Variants in IFT172 observed in about 807,000 individuals in gnomAD.
IFT172 encodes the protein intraflagellar transport protein 172 homolog.
Under a neutral mutation model 248.9 loss-of-function variants are expected in IFT172, and 164 were observed. The observed-to-expected ratio is 0.66, with a 90% confidence interval of 0.58 to 0.75. The LOEUF is 0.75. Among genes scored for constraint, IFT172 ranks in the 30% least tolerant of loss-of-function variants. IFT172 has a pLI of 0.00. For synonymous variants in IFT172, 729 were observed against 791.6 expected, an observed-to-expected ratio of 0.92 and a Z score of 1.33; for missense variants, 1,950 against 2,192.4, an observed-to-expected ratio of 0.89 and a Z score of 2.21.
intron 18 of IFT172, among the ~76,000 whole-genome samples, chr2:27,464,498 T>C (rs913484906): frequency 6.6e-5 from 10 of 152,166 alleles, no homozygotes; most frequent in Non-Finnish European, 4.4e-5. Context: ...ACTGCACTCC[T>C]ATACCAAACC....
At chr2:27,469,831 A>G (rs908311996) in intron 16 of IFT172, among the ~76,000 whole-genome samples, 13 of 151,940 alleles carry the variant, frequency 8.6e-5, no homozygotes, top group African/African-American at 3.1e-4. Flanking sequence ...CTCTGTCTCA[A>G]ATAAAATAAA....
intron 4 of IFT172, 121 bp from the exon 5 acceptor site, chr2:27,484,058 G>T (rs1668575256): frequency 2.4e-6 from 3 of 1,269,188 alleles, no homozygotes; most frequent in African/African-American, 1.5e-5. Flanking sequence ...GACACAGCAG[G>T]GCTCTAAGGA....
chr2:27,474,684 T>A (rs902397643), intron 14 of IFT172, among the ~76,000 whole-genome samples: 5 of 152,164 alleles, frequency 3.3e-5, no homozygotes, highest in African/African-American at 9.7e-5. Flanking sequence ...CCCGAGTAGC[T>A]GGGATTACAG....
chr2:27,461,464 G>A lies in IFT172; in HGVS notation c.2247C>T (p.Asp749=), dbSNP rs1666660597. ...LRRSYYQWLM[D]TQQEERAGEL... The stretch of plus-strand genomic sequence containing the variant: ...CACCTGCTCGCTCCTCTTGCTGTGT[G>A]TCCATCAGCCACTGGTAGTAACTAC... Residue 749 remains aspartate, a synonymous_variant, in exon 22 of 48, where the codon GAC becomes GAT. Coordinates refer to ENST00000260570, the MANE Select transcript of IFT172 (RefSeq NM_015662.3). 1.2e-6 allele frequency: 2 copies of A among 1,614,024 alleles called. No homozygotes were observed. The highest frequency in any genetic ancestry group is 1.3e-5 in the African/African-American group (1 of 74,926).
chr2:27,480,026 C>A lies in IFT172; in HGVS notation c.909G>T (p.Val303=). ...AWKRDGSRLC[V]GTLCGGVEQF... is the part of the protein sequence containing the mutation. Reference sequence around the variant, plus strand: ...CAGAAAGGGATTACTAGTAACACACCACACAGAGCCGTGAGCCATCCCGCT... The same window carrying A: ...CAGAAAGGGATTACTAGTAACACACAACACAGAGCCGTGAGCCATCCCGCT... Residue 303 remains valine (V), a splice_region_variant and synonymous_variant, in exon 9 of 48, where the codon GTG becomes GTT. Coordinates refer to ENST00000260570, the MANE Select transcript of IFT172 (RefSeq NM_015662.3). The A allele has an allele frequency of 6.2e-7, 1 of 1,612,100 alleles. No homozygotes were observed. Among genetic ancestry groups the A allele is most frequent in the Non-Finnish European group, 8.5e-7 (1 of 1,179,226 alleles).
At chr2:27,453,295 G>C in intron 35 of IFT172, 89 bp downstream of exon 35, 3 of 1,499,112 alleles carry the variant, frequency 2.0e-6, no homozygotes, top group Non-Finnish European at 2.8e-6. Context: ...AAAGACACAA[G>C]AGGAAAGAGC....
intron 18 of IFT172, 23 bp from the exon 19 acceptor site, chr2:27,463,204 T>C: frequency 1.9e-6 from 3 of 1,588,166 alleles, no homozygotes; most frequent in Non-Finnish European, 2.6e-6. Flanking sequence ...AGCAATAACA[T>C]TAATAGTAAT....
chr2:27,470,962 T>TC lies in IFT172; in HGVS notation c.1657dup (p.Glu553GlyfsTer4). On this transcript the variant is annotated frameshift_variant, in exon 16 of 48. Coordinates refer to ENST00000260570, the MANE Select transcript of IFT172 (RefSeq NM_015662.3). LOFTEE classifies it high-confidence loss of function. Reference sequence around the variant, plus strand: ...GAACATGGTGACTCTCTCAGGTGCCTCAATGTTGTACCATACACACAGACT... The same window carrying TC: ...GAACATGGTGACTCTCTCAGGTGCCTCCAATGTTGTACCATACACACAGACT... 3.1e-6 allele frequency: 5 copies of TC among 1,610,262 alleles called. No individual in the cohort carries two copies. The highest frequency in any genetic ancestry group is 4.2e-6 in the Non-Finnish European group (5 of 1,179,028).
rs1213929319 is a variant in IFT172, at chr2:27,445,489, C to A, written c.4915-40G>T. On this transcript the variant is annotated intron_variant, in intron 45 of 47. Coordinates refer to ENST00000260570, the MANE Select transcript of IFT172 (RefSeq NM_015662.3). This position sits in a 1 kb window ranked among gnomAD's most constrained non-coding sequence, Gnocchi z 4.4. ...AAGGGAGTGGTAGCTTCACACAGGG[C>A]AGGGCAGGACAAGTTGGGGTGGATG... The A allele has an allele frequency of 6.3e-7, 1 of 1,583,926 alleles. No individual in the cohort carries two copies. The highest frequency in any genetic ancestry group is 1.3e-5 in the African/African-American group (1 of 74,526).
chr2:27,484,460 G>A (rs905011172), intron 3 of IFT172, among the ~76,000 whole-genome samples, 194 bp from the exon 4 acceptor site: 18 of 152,092 alleles, frequency 1.2e-4, no homozygotes, highest in Non-Finnish European at 2.6e-4. Context: ...GTGTGGTGGT[G>A]GGCGCCTGTA....
At chr2:27,483,977 T>C (rs1388336310) in intron 4 of IFT172, 40 bp from the exon 5 acceptor site, 4 of 1,574,058 alleles carry the variant, frequency 2.5e-6, no homozygotes, top group Non-Finnish European at 3.5e-6. Flanking sequence ...ACCCCATCTG[T>C]GTGGGCCAGC....
intron 4 of IFT172, 56 bp from the exon 5 acceptor site, chr2:27,483,993 T>C (rs1572833719): frequency 1.3e-6 from 2 of 1,501,362 alleles, no homozygotes; most frequent in East Asian, 2.3e-5. Context: ...CCAGCACTTT[T>C]ATAACAACTT....
chr2:27,465,507 A>G lies in IFT172; in HGVS notation c.1841T>C (p.Phe614Ser), dbSNP rs1667018384. ...TGGGGTCATTTCCAGAGTCTCTAAGAAGGCTGTTGCCCTGGAAAGGGAAGG... is the reference window on the plus strand; with the variant it reads ...TGGGGTCATTTCCAGAGTCTCTAAGGAGGCTGTTGCCCTGGAAAGGGAAGG... Reference protein sequence around the residue: ...DDGNYIRATAFLETLEMTPET... With the variant: ...DDGNYIRATASLETLEMTPET... The change falls in exon 18 of 48, where the codon TTC (phenylalanine) becomes TCC (serine). Residue 614 changes from phenylalanine (F) to serine (S), a missense_variant. Around this residue, in one of 3 missense-constraint regions of IFT172, gnomAD observed 1,166 missense variants for 1,254.1 expected, o/e 0.93. Transcript: ENST00000260570. 6.2e-7 allele frequency: 1 copy of G among 1,614,078 alleles called. No homozygotes were observed.
rs1166944536 is a variant in IFT172 at position 27,458,155 on chromosome 2, C to T, written c.2946G>A (p.Glu982=). ...CAGCCTCACGGTACTTGCCCTGCTT[C>T]TCCATTTCCTGGGCCTGAGTGATGT... ...VLYITQAQEM[E]KQGKYREAER... Residue 982 remains glutamate (E), a synonymous_variant, in exon 27 of 48, where the codon GAG becomes GAA. Coordinates refer to ENST00000260570, the MANE Select transcript of IFT172 (RefSeq NM_015662.3). 2.5e-6 allele frequency: 4 copies of T among 1,614,086 alleles called. No individual in the cohort carries two copies. The highest frequency in any genetic ancestry group is 3.4e-6 in the Non-Finnish European group (4 of 1,180,030).
chr2:27,462,476 T>C (rs564072612), intron 20 of IFT172, among the ~76,000 whole-genome samples: 27 of 152,078 alleles, frequency 1.8e-4, no homozygotes, highest in Non-Finnish European at 3.8e-4. Context: ...AAGAAAGTAG[T>C]AATCAAAGGC....
At chr2:27,482,137 C>T (rs879365133) in intron 7 of IFT172, among the ~76,000 whole-genome samples, 10 of 151,972 alleles carry the variant, frequency 6.6e-5, no homozygotes, top group Admixed American at 5.9e-4. Context: ...CACGTTCCAC[C>T]ATGCCCGGCT....
chr2:27,461,664 C>A (rs947476859), intron 21 of IFT172, 95 bp downstream of exon 21: 3 of 1,558,862 alleles, frequency 1.9e-6, no homozygotes, highest in Non-Finnish European at 2.6e-6. Context: ...AAGCCCCAAC[C>A]CTGTTCTGGT....
intron 14 of IFT172, 35 bp downstream of exon 14, chr2:27,476,606 T>A (rs753598279): frequency 1.6e-6 from 2 of 1,288,880 alleles, no homozygotes; most frequent in Admixed American, 1.7e-5. Context: ...TAAACATCTA[T>A]TTTGTTATTA....
chr2:27,483,151 A>G (rs1668505964), intron 7 of IFT172, 138 bp downstream of exon 7: 1 of 615,404 alleles, frequency 1.6e-6, no homozygotes, highest in African/African-American at 1.8e-5. Context: ...CTACAGGCCC[A>G]TGCCACCATG....
Sources: allele counts gnomAD v4.1 joint callset (sites outside exome capture counted in the v4.1 genomes callset), GRCh38; gene constraint gnomAD v4.1.1; regional missense constraint gnomAD v4.1.1; non-coding constraint Gnocchi (gnomAD v3.1); transcripts MANE v1.5; gene names NCBI Gene and HGNC (gene_info 2026-07-23, HGNC 2026-07-21).